Variants in FLNB observed in about 807,000 individuals in gnomAD.
FLNB encodes the protein filamin B.
In FLNB, 111 loss-of-function variants were observed where a neutral mutation model predicts 250.6. The ratio of observed to expected loss-of-function variants is 0.44; its 90% confidence interval spans 0.38 to 0.52. FLNB has a LOEUF of 0.52. Ranked by LOEUF, FLNB falls within the 20% of genes least tolerant of loss-of-function variation. The probability of loss-of-function intolerance (pLI) is 0.00; values close to 1 mark genes in which losing one functional copy is unlikely to be tolerated. For synonymous variants in FLNB, 1,302 were observed against 1,372.1 expected (o/e 0.95, Z 1.13); for missense variants, 2,869 against 3,447.8 (o/e 0.83, Z 4.20).
chr3:58,095,229 G>GTATTTGTTTATTTATTTATT (rs2097236274), intron 5 of FLNB, among the ~76,000 whole-genome samples: 1 of 147,708 alleles, frequency 6.8e-6, no homozygotes, highest in East Asian at 2.0e-4. Flanking sequence ...GTTTATGTAT[G>GTATTTGTTTATTTATTTATT]TATTTATTTA....
chr3:58,116,834 G>A (rs9880603), intron 18 of FLNB, among the ~76,000 whole-genome samples: 18,010 of 152,132 alleles, frequency 0.12, 1,455 homozygotes, highest in African/African-American at 0.23. Context: ...TCTCCATTAC[G>A]TGCTGTGCTG....
At chr3:58,111,985 A>C in intron 17 of FLNB, 104 bp downstream of exon 17, 1 of 1,189,944 alleles carries the variant, frequency 8.4e-7, no homozygotes, top group Non-Finnish European at 1.3e-6. Context: ...CAACACCAAC[A>C]CCAAGCTGGC....
intron 1 of FLNB, among the ~76,000 whole-genome samples, chr3:58,026,609 G>T (rs2097123977): frequency 6.6e-6 from 1 of 152,192 alleles, no homozygotes; most frequent in African/African-American, 2.4e-5. Flanking sequence ...GGATATGGGA[G>T]GTTGGGGGCC....
At chr3:58,063,933 A>G (rs1368927311) in intron 1 of FLNB, among the ~76,000 whole-genome samples, 2 of 152,128 alleles carry the variant, frequency 1.3e-5, no homozygotes, top group African/African-American at 2.4e-5. Flanking sequence ...CCCAGGAAAC[A>G]TAGCCTAATA....
chr3:58,044,036 C>T (rs1462858218), intron 1 of FLNB, among the ~76,000 whole-genome samples: 1 of 152,192 alleles, frequency 6.6e-6, no homozygotes. Flanking sequence ...ACGGGGCTGC[C>T]CTGCAGCTCC....
At position 58,164,918 on chromosome 3, in the gene FLNB, C is replaced by A. The variant is rs1285420661; in HGVS notation, c.7198+1588C>A. 6.6e-6 allele frequency: 1 copy of A among 152,420 alleles called. No homozygotes were observed. The highest frequency in any genetic ancestry group is 2.4e-5 in the African/African-American group (1 of 41,444). 9.4% of individuals were successfully genotyped at this position (152,420 alleles called of 1,614,324 possible). A position where few individuals can be genotyped will look rare whatever the true frequency, so the allele number is the denominator to read the frequency against. On this transcript the variant is annotated intron_variant, in intron 43 of 45. Transcript: ENST00000295956. The surrounding 1 kb of genome is among the most constrained non-coding windows in gnomAD (Gnocchi z 4.0). ...GTGACCTCAGAGCCTATGCGCTGAACCCCCGAGCTTGGCCCCCTCTCTAAG... is the reference window on the plus strand; with the variant it reads ...GTGACCTCAGAGCCTATGCGCTGAAACCCCGAGCTTGGCCCCCTCTCTAAG...
At chr3:58,098,685 C>G (rs748053857) in intron 7 of FLNB, 26 bp from the exon 8 acceptor site, 28 of 1,612,116 alleles carry the variant, frequency 1.7e-5, no homozygotes, top group Admixed American at 8.3e-5. Flanking sequence ...GTGACTTGGG[C>G]TCATGGAATG....
At chr3:58,150,407 C>T (rs2097342981) in intron 38 of FLNB, 180 bp downstream of exon 38, 1 of 702,384 alleles carries the variant, frequency 1.4e-6, no homozygotes, top group Non-Finnish European at 2.4e-6. Flanking sequence ...AGAGTCTCAT[C>T]CAAGAAAAAC....
chr3:58,132,514 C>T, intron 25 of FLNB: 1 of 498,808 alleles, frequency 2.0e-6, no homozygotes, highest in East Asian at 4.1e-5. Context: ...ACATCATCCA[C>T]ATACACCCTC....
chr3:58,136,727 T>G (rs1349869425), intron 28 of FLNB, among the ~76,000 whole-genome samples: 1 of 151,362 alleles, frequency 6.6e-6, no homozygotes, highest in Non-Finnish European at 1.5e-5. Flanking sequence ...GACACAACTA[T>G]TGACTGTCAC....
intron 6 of FLNB, 100 bp downstream of exon 6, chr3:58,096,318 T>A: frequency 1.1e-6 from 1 of 883,252 alleles, no homozygotes; most frequent in South Asian, 1.4e-5. Flanking sequence ...AATTTCTGAT[T>A]TTCCTTTCTG....
intron 1 of FLNB, among the ~76,000 whole-genome samples, chr3:58,056,688 G>A (rs769744908): frequency 1.2e-4 from 18 of 150,674 alleles, no homozygotes; most frequent in African/African-American, 7.3e-5. Context: ...TGCAGTCGCC[G>A]CCTCCTGGGT....
intron 1 of FLNB, among the ~76,000 whole-genome samples, chr3:58,037,343 G>T (rs970633873): frequency 6.6e-6 from 1 of 152,088 alleles, no homozygotes; most frequent in Non-Finnish European, 1.5e-5. Flanking sequence ...AGGATTATAG[G>T]CGTAAGCCAC....
intron 28 of FLNB, 80 bp downstream of exon 28, chr3:58,136,248 C>A (rs2097315704): frequency 7.1e-7 from 1 of 1,417,062 alleles, no homozygotes; most frequent in East Asian, 2.3e-5. Context: ...CTGTGACTTA[C>A]AAGCTACATG....
chr3:58,140,496 A>C (rs4284952), intron 29 of FLNB, among the ~76,000 whole-genome samples: 118,854 of 152,260 alleles, frequency 0.78, 47,532 homozygotes, highest in East Asian at 1. Flanking sequence ...AACATGGGTA[A>C]ATAGGCCTTC....
At chr3:58,170,025 C>T (rs904581027) in intron 45 of FLNB, among the ~76,000 whole-genome samples, 1 of 152,178 alleles carries the variant, frequency 6.6e-6, no homozygotes, top group Non-Finnish European at 1.5e-5. Flanking sequence ...GGGTCGGTTG[C>T]CTGGGTTCTG....
At chr3:58,170,350 G>A in intron 45 of FLNB, 3 of 582,572 alleles carry the variant, frequency 5.1e-6, no homozygotes, top group Non-Finnish European at 9.2e-6. Flanking sequence ...GCTAGGGAGA[G>A]GTGAGATTCC....
chr3:58,156,042 C>A lies in FLNB; in HGVS notation c.6855C>A (p.Asp2285Glu), dbSNP rs770627079. ...PYLVPVIAPSDDARRLTVMSL... is the reference protein window; with the variant it reads ...PYLVPVIAPSEDARRLTVMSL... The stretch of plus-strand genomic sequence containing the variant: ...TGGTGCCGGTCATCGCACCCTCCGA[C>A]GACGCCCGCCGCCTCACTGTTATGA... The change falls in exon 41 of 46, where the codon GAC becomes GAA. Residue 2285 changes from aspartate to glutamate, a missense_variant. Asp to Glu is a conservative substitution (Grantham distance 45, BLOSUM62 2). Transcript: ENST00000295956. 1 of 1,613,918 alleles carries A rather than the reference C, an allele frequency of 6.2e-7. No homozygotes were observed. Among genetic ancestry groups the A allele is most frequent in the South Asian group, 1.1e-5 (1 of 91,080 alleles).
intron 3 of FLNB, among the ~76,000 whole-genome samples, chr3:58,080,118 C>T (rs1396272882): frequency 2.0e-5 from 3 of 152,314 alleles, no homozygotes; most frequent in East Asian, 1.9e-4. Flanking sequence ...AATGCCAAAT[C>T]GACACACATC....
Sources: gnomAD v4.1 joint callset for allele counts (sites outside exome capture counted in the v4.1 genomes callset) on GRCh38, gnomAD v4.1.1 for gene constraint, Gnocchi (gnomAD v3.1) non-coding constraint, MANE v1.5 for transcripts, NCBI Gene and HGNC (gene_info 2026-07-23, HGNC 2026-07-21) for gene names.